Variants in LBP observed in about 807,000 individuals in gnomAD.
LBP encodes the protein lipopolysaccharide binding protein, also known as lipopolysaccharide-binding protein.
Under a neutral mutation model 56.6 loss-of-function variants are expected in LBP, and 53 were observed. The ratio of observed to expected loss-of-function variants is 0.94; its 90% confidence interval spans 0.75 to 1.18. The LOEUF (loss-of-function observed/expected upper bound fraction) is 1.18. Ranked by LOEUF, LBP falls within the 50% of genes most tolerant of loss-of-function variation. The pLI is 0.00. For missense variants in LBP, 601 were observed against 598.3 expected (o/e 1.00, Z -0.05); for synonymous variants, 227 against 247.5 (o/e 0.92, Z 0.78).
At chr20:38,374,855 C>G (rs545821010) in intron 14 of LBP, among the ~76,000 whole-genome samples, 139 of 147,292 alleles carry the variant, frequency 9.4e-4, no homozygotes, top group Non-Finnish European at 1.6e-3. Context: ...GCGATCTTGG[C>G]TTACTGCAAC....
chr20:38,351,413 C>T (rs2122595918), intron 3 of LBP, among the ~76,000 whole-genome samples: 1 of 152,172 alleles, frequency 6.6e-6, no homozygotes, highest in South Asian at 2.1e-4. Context: ...TTACTCCAGC[C>T]CCACGCTGTC....
At chr20:38,347,052 T>C (rs966882453) in intron 1 of LBP, among the ~76,000 whole-genome samples, 5 of 152,104 alleles carry the variant, frequency 3.3e-5, no homozygotes, top group Non-Finnish European at 7.4e-5. Context: ...GCCTCTGAAC[T>C]GGAAGTCAGA....
chr20:38,365,973 C>A (rs1189594518), intron 8 of LBP, among the ~76,000 whole-genome samples: 1 of 151,932 alleles, frequency 6.6e-6, no homozygotes, highest in Non-Finnish European at 1.5e-5. Flanking sequence ...TTCCTCACAC[C>A]CCCAAAACAA....
chr20:38,372,751 T>C (rs774753758), intron 12 of LBP, among the ~76,000 whole-genome samples: 13 of 152,114 alleles, frequency 8.5e-5, no homozygotes, highest in Non-Finnish European at 1.8e-4. Flanking sequence ...TTATTTTGTT[T>C]TTATTAAATT....
At chr20:38,360,648 G>A (rs1780624) in intron 5 of LBP, 56 bp from the exon 6 acceptor site, 15 of 1,226,572 alleles carry the variant, frequency 1.2e-5, no homozygotes, top group South Asian at 9.7e-5. Flanking sequence ...TGATCAGCAC[G>A]GGGCCAGACC....
chr20:38,348,368 A>C (rs1448551045), intron 1 of LBP, among the ~76,000 whole-genome samples: 1 of 151,092 alleles, frequency 6.6e-6, no homozygotes. Flanking sequence ...GCTGGAGTGC[A>C]ATGGCACAAT....
chr20:38,362,577 C>T (rs1005655609), intron 6 of LBP, among the ~76,000 whole-genome samples: 3 of 151,460 alleles, frequency 2.0e-5, no homozygotes, highest in Non-Finnish European at 4.4e-5. Context: ...TGTGCTACTG[C>T]ACTCCAGCCT....
intron 1 of LBP, among the ~76,000 whole-genome samples, chr20:38,347,479 G>A (rs1472769506): frequency 6.6e-6 from 1 of 152,170 alleles, no homozygotes; most frequent in Non-Finnish European, 1.5e-5. Context: ...GGGAGGCAGA[G>A]GTTGCAGTGA....
intron 14 of LBP, among the ~76,000 whole-genome samples, chr20:38,374,403 C>T (rs2076910838): frequency 2.0e-5 from 3 of 152,010 alleles, no homozygotes; most frequent in Non-Finnish European, 1.5e-5. Context: ...TTGAGACCAG[C>T]CTGGCCAACA....
intron 6 of LBP, among the ~76,000 whole-genome samples, chr20:38,362,958 GAAATA>G (rs1350523867): frequency 6.6e-6 from 1 of 152,086 alleles, no homozygotes; most frequent in African/African-American, 2.4e-5. Context: ...AAAAAGAAAT[GAAATA>G]AAATAAAACA....
Position 38,350,792 on chromosome 20 carries a change from T to C in LBP, c.240-19T>C. 6.3e-7 allele frequency: 1 copy of C among 1,594,862 alleles called. No individual in the cohort carries two copies. The highest frequency in any genetic ancestry group is 8.6e-7 in the Non-Finnish European group (1 of 1,166,656). On this transcript the variant is annotated intron_variant, in intron 2 of 14. Transcript: ENST00000217407. ...TCCAGGCCCAGGGCTGACACCTCCT[T>C]CCATGTCTCTCCCTTCAGCCTGAAC...
At chr20:38,369,469 G>A (rs575891090) in intron 10 of LBP, among the ~76,000 whole-genome samples, 1 of 152,110 alleles carries the variant, frequency 6.6e-6, no homozygotes, top group African/African-American at 2.4e-5. Context: ...GGCTATTGTG[G>A]GGAGAAAGGT....
intron 14 of LBP, among the ~76,000 whole-genome samples, chr20:38,375,709 C>CT (rs1346923704): frequency 2.6e-5 from 4 of 152,190 alleles, no homozygotes; most frequent in Non-Finnish European, 5.9e-5. Context: ...ATTTTGTGGT[C>CT]TATCTGTGCT....
chr20:38,370,238 T>C (rs2076896462), intron 10 of LBP, among the ~76,000 whole-genome samples: 1 of 151,990 alleles, frequency 6.6e-6, no homozygotes, highest in Non-Finnish European at 1.5e-5. Context: ...TAGCCAGGCC[T>C]GGTGGCATGC....
chr20:38,360,746 C>G lies in LBP; in HGVS notation c.631C>G (p.Pro211Ala), dbSNP rs2122609904. 6.2e-7 allele frequency: 1 copy of G among 1,612,780 alleles called. No homozygotes were observed. Among genetic ancestry groups the G allele is most frequent in the East Asian group, 2.2e-5 (1 of 44,874 alleles). Reference sequence around the variant, plus strand: ...GAAATCAGTGTCCTCCGATCTACAGCCTTATCTCCAAACTCTGCCAGGTAG... The same window carrying G: ...GAAATCAGTGTCCTCCGATCTACAGGCTTATCTCCAAACTCTGCCAGGTAG... ...IQKSVSSDLQPYLQTLPVTTE... is the reference protein window; with the variant it reads ...IQKSVSSDLQAYLQTLPVTTE... The change falls in exon 6 of 15, where the codon CCT (proline) becomes GCT (alanine). Residue 211 changes from proline (P) to alanine (A), a missense_variant. Physicochemically the swap from Pro to Ala is conservative, Grantham distance 27. Transcript: ENST00000217407.
In LBP at chr20:38,346,495, CCCA is replaced by C; in HGVS notation, c.-20_-18del. The C allele has an allele frequency of 6.2e-7, 1 of 1,612,776 alleles. No homozygotes were observed. Among genetic ancestry groups the C allele is most frequent in the Non-Finnish European group, 8.5e-7 (1 of 1,179,620 alleles). Reference sequence around the variant, plus strand: ...CAATCCACAGCTGGGACAGTCCTGGCCCACTGCACTGGGAATCTAGGATGGGGG... The same window carrying C: ...CAATCCACAGCTGGGACAGTCCTGGCCTGCACTGGGAATCTAGGATGGGGG... On this transcript the variant is annotated 5_prime_UTR_variant, in exon 1 of 15. Coordinates refer to ENST00000217407, the MANE Select transcript of LBP (RefSeq NM_004139.5).
intron 14 of LBP, among the ~76,000 whole-genome samples, chr20:38,374,540 T>G (rs1400600640): frequency 2.1e-4 from 30 of 142,288 alleles, no homozygotes; most frequent in Non-Finnish European, 4.1e-4. Context: ...AAGGTTGCAG[T>G]GAGCCGAGAT....
chr20:38,376,902 C>T lies in LBP; in HGVS notation c.*233C>T, dbSNP rs746501891. 1.5e-6 allele frequency: 1 copy of T among 673,348 alleles called. No individual in the cohort carries two copies. Among genetic ancestry groups the T allele is most frequent in the South Asian group, 1.5e-5 (1 of 66,884 alleles). The allele number at this position is 673,348 out of a possible 1,614,324, so 41.7% of individuals were successfully genotyped here. On this transcript the variant is annotated 3_prime_UTR_variant, in exon 15 of 15. Coordinates refer to ENST00000217407, the MANE Select transcript of LBP (RefSeq NM_004139.5). ...GGAGGGACCACCCTCCCCGACTGGC[C>T]TGGGATATCTTTACAAGCAGGCACT... is the stretch of plus-strand genomic sequence containing the variant.
chr20:38,356,895 G>A (rs754404263), intron 5 of LBP, among the ~76,000 whole-genome samples: 10 of 151,650 alleles, frequency 6.6e-5, no homozygotes, highest in East Asian at 1.9e-4. Context: ...TCACTCTGTC[G>A]CCCAGGCTGG....
Sources: allele counts gnomAD v4.1 joint callset (sites outside exome capture counted in the v4.1 genomes callset), GRCh38; gene constraint gnomAD v4.1.1; transcripts MANE v1.5; gene names NCBI Gene and HGNC (gene_info 2026-07-23, HGNC 2026-07-21).